PSPH: variants seen among roughly 807,000 people sequenced by gnomAD.
PSPH encodes the protein phosphoserine phosphatase.
A neutral mutation model predicts 23.4 loss-of-function variants in PSPH; 16 were observed. That is an observed-to-expected ratio of 0.68 (90% CI 0.46 to 1.04). The LOEUF (loss-of-function observed/expected upper bound fraction) is 1.04, where lower values mean the gene tolerates loss of function less well. PSPH is among the 50% of genes least tolerant of loss of function. The pLI is 0.00. For synonymous variants in PSPH, 68 were observed against 99.7 expected (o/e 0.68, Z 1.89); for missense variants, 223 against 273.7 (o/e 0.81, Z 1.31).
At position 56,021,204 on chromosome 7, in the gene PSPH, G is replaced by A. The variant is rs545883291; in HGVS notation, c.9C>T (p.Ser3=). Residue 3 remains serine, a synonymous_variant, in exon 4 of 8, where the codon TCC becomes TCT. Transcript: ENST00000275605. MV[S]HSELRKLFYS... ...AGAAAAGCTTCCTCAGCTCTGAGTG[G>A]GAGACCATCGCTGGAAGAATTTTCC... 6.2e-7 allele frequency: 1 copy of A among 1,614,116 alleles called. No individual in the cohort carries two copies. The highest frequency in any genetic ancestry group is 1.3e-5 in the African/African-American group (1 of 75,076).
chr7:56,039,088 C>T (rs891560136), intron 1 of PSPH, among the ~76,000 whole-genome samples: 1 of 146,836 alleles, frequency 6.8e-6, no homozygotes, highest in African/African-American at 2.5e-5. Context: ...ACCCGGGAGG[C>T]GGAGACCTGT....
chr7:56,019,821 C>T lies in PSPH; in HGVS notation c.141-87G>A, dbSNP rs780989431. Reference sequence around the variant, plus strand: ...TACTGCCCCGGGTCTGCACGACATCCACCAAAAGGAAGATGCTACCAAGAG... The same window carrying T: ...TACTGCCCCGGGTCTGCACGACATCTACCAAAAGGAAGATGCTACCAAGAG... On this transcript the variant is annotated intron_variant, in intron 4 of 7. Transcript: ENST00000275605. The T allele has an allele frequency of 2.4e-5, 38 of 1,562,640 alleles. No homozygotes were observed. In the South Asian group the frequency reaches 4.3e-4, roughly 18 times the overall value.
At position 56,019,683 on chromosome 7, in the gene PSPH, C is replaced by G. The variant is rs1584400974; in HGVS notation, c.192G>C (p.Glu64Asp). Residue 64 changes from glutamate to aspartate, a missense_variant, in exon 5 of 8, where the codon GAG becomes GAC. By Grantham distance (45) the Glu-to-Asp change is conservative. Transcript: ENST00000275605. ...GAVPFKAALTERLALIQPSRE... is the reference protein window; with the variant it reads ...GAVPFKAALTDRLALIQPSRE... ...TGGAGGGCTGGATGAGGGCTAAGCGCTCTGTGAGAGCAGCTTTGAAAGGCA... is the reference window on the plus strand; with the variant it reads ...TGGAGGGCTGGATGAGGGCTAAGCGGTCTGTGAGAGCAGCTTTGAAAGGCA... The G allele has an allele frequency of 6.2e-7, 1 of 1,613,896 alleles. No homozygotes were observed. Among genetic ancestry groups the G allele is most frequent in the East Asian group, 2.2e-5 (1 of 44,878 alleles).
chr7:56,023,592 A>G (rs543210814), intron 3 of PSPH, among the ~76,000 whole-genome samples: 2 of 152,150 alleles, frequency 1.3e-5, no homozygotes, highest in East Asian at 1.9e-4. Context: ...TTGGACTAGA[A>G]TTAGGATGAA....
chr7:56,041,971 C>T (rs1316861208), intron 1 of PSPH, among the ~76,000 whole-genome samples: 3 of 150,694 alleles, frequency 2.0e-5, no homozygotes, highest in Non-Finnish European at 4.4e-5. Context: ...GCCTGTAATC[C>T]CAGCACTTTG....
At chr7:56,037,643 G>C (rs930369025) in intron 1 of PSPH, among the ~76,000 whole-genome samples, 5 of 151,372 alleles carry the variant, frequency 3.3e-5, no homozygotes, top group Admixed American at 3.3e-4. Context: ...TCAAGCCCAA[G>C]TGTGATCCAC....
intron 1 of PSPH, among the ~76,000 whole-genome samples, chr7:56,035,920 T>C (rs117161546): frequency 0.015 from 2,301 of 149,948 alleles, 44 homozygotes; most frequent in Admixed American, 0.045. Flanking sequence ...ACGCCCAGCC[T>C]GCAGTAGTTT....
chr7:56,039,926 G>A (rs1250696912), intron 1 of PSPH, among the ~76,000 whole-genome samples: 4 of 151,602 alleles, frequency 2.6e-5, no homozygotes, highest in East Asian at 1.9e-4. Context: ...GTGAAACCCC[G>A]TATCTACTAA....
intron 7 of PSPH, among the ~76,000 whole-genome samples, chr7:56,014,706 G>A (rs986573028): frequency 6.6e-6 from 1 of 152,180 alleles, no homozygotes; most frequent in South Asian, 2.1e-4. Flanking sequence ...CACTTTGGGA[G>A]GCTGAAGCAG....
At chr7:56,028,030 C>T (rs1790460461) in intron 3 of PSPH, among the ~76,000 whole-genome samples, 1 of 147,112 alleles carries the variant, frequency 6.8e-6, no homozygotes, top group African/African-American at 2.5e-5. Context: ...GCCTGGGTGA[C>T]AGAGTGAGAC....
chr7:56,038,540 A>G (rs1479731090), intron 1 of PSPH, among the ~76,000 whole-genome samples: 1 of 152,074 alleles, frequency 6.6e-6, no homozygotes, highest in Non-Finnish European at 1.5e-5. Context: ...CTCAGGAGAA[A>G]CTTGCATGAG....
At chr7:56,022,588 T>C (rs892305902) in intron 3 of PSPH, among the ~76,000 whole-genome samples, 1 of 152,136 alleles carries the variant, frequency 6.6e-6, no homozygotes, top group African/African-American at 2.4e-5. Flanking sequence ...GGCCTGGCTG[T>C]GCATCAGGAA....
Position 56,017,365 on chromosome 7 carries a change from C to T in PSPH, c.290G>A (p.Arg97His), listed in dbSNP as rs1245957111. ...AACCTGAACATTTCGCTCCTGTAGG[C>T]GACTTACCAGCTCCCTGCAAAATAA... ...LTPGIRELVS[R>H]LQERNVQVFL... The change falls in exon 6 of 8, where the codon CGC becomes CAC. Residue 97 changes from arginine to histidine, a missense_variant. Coordinates refer to ENST00000275605, the MANE Select transcript of PSPH (RefSeq NM_004577.4). 9.4e-6 allele frequency: 15 copies of T among 1,587,754 alleles called. No homozygotes were observed. The highest frequency in any genetic ancestry group is 1.1e-5 in the Non-Finnish European group (13 of 1,164,316).
At chr7:56,017,869 C>T (rs934270305) in intron 5 of PSPH, among the ~76,000 whole-genome samples, 7 of 152,054 alleles carry the variant, frequency 4.6e-5, no homozygotes, top group East Asian at 3.9e-4. Flanking sequence ...ACAACAGATG[C>T]GCACCACCAC....
chr7:56,046,322 G>GA (rs982408042), intron 1 of PSPH, among the ~76,000 whole-genome samples: 4 of 151,940 alleles, frequency 2.6e-5, no homozygotes, highest in African/African-American at 9.7e-5. Context: ...TTTTTTAGTA[G>GA]AGACGGGGTT....
intron 1 of PSPH, among the ~76,000 whole-genome samples, chr7:56,045,302 C>CA (rs1384660406): frequency 6.6e-6 from 1 of 151,884 alleles, no homozygotes; most frequent in Non-Finnish European, 1.5e-5. Context: ...GCCAGGAGTT[C>CA]AAGACCAGCC....
intron 7 of PSPH, among the ~76,000 whole-genome samples, chr7:56,013,033 A>G (rs1005242605): frequency 6.7e-6 from 1 of 150,294 alleles, no homozygotes; most frequent in Non-Finnish European, 1.5e-5. Flanking sequence ...TATACTATAT[A>G]TGTATATATA....
Position 56,027,799 on chromosome 7 carries a change from C to T in PSPH, c.-20+4130G>A, listed in dbSNP as rs150545768. Among the ~76,000 whole-genome samples, 78 of 150,790 alleles carry T rather than the reference C, an allele frequency of 5.2e-4. 1 individual carries two copies. Among genetic ancestry groups the T allele is most frequent in the Non-Finnish European group, 2.7e-4 (18 of 67,854 alleles). ...TGCAGTGGCTCACACTTGTAATAAT[C>T]CCAGCACTTTGGGAGGCTAAGACAG... On this transcript the variant is annotated intron_variant, in intron 3 of 7. Transcript: ENST00000275605.
chr7:56,046,468 G>A (rs1464449881), intron 1 of PSPH, among the ~76,000 whole-genome samples: 1 of 152,014 alleles, frequency 6.6e-6, no homozygotes, highest in Non-Finnish European at 1.5e-5. Context: ...TGGCCTCAAA[G>A]GATCCTCCCA....
Sources: allele counts gnomAD v4.1 joint callset (sites outside exome capture counted in the v4.1 genomes callset), GRCh38; gene constraint gnomAD v4.1.1; transcripts MANE v1.5; gene names NCBI Gene and HGNC (gene_info 2026-07-23, HGNC 2026-07-21).